Variants in DOCK7 observed in about 807,000 individuals in gnomAD.
DOCK7 encodes dedicator of cytokinesis 7.
Under a neutral mutation model 271.0 loss-of-function variants are expected in DOCK7, and 138 were observed. The ratio of observed to expected loss-of-function variants is 0.51; its 90% CI spans 0.44 to 0.59. DOCK7 has a LOEUF of 0.59. Ranked by LOEUF, DOCK7 falls within the 20% of genes least tolerant of loss-of-function variation. The pLI is 0.00. For missense variants in DOCK7, 2,066 were observed against 2,592.4 expected, an observed-to-expected ratio of 0.80 and a Z score of 4.41; for synonymous variants, 823 against 876.1, an observed-to-expected ratio of 0.94 and a Z score of 1.07.
At chr1:62,621,741 CTAAT>C (rs1187995329) in intron 12 of DOCK7, among the ~76,000 whole-genome samples, 3 of 152,102 alleles carry the variant, frequency 2.0e-5, no homozygotes, top group Admixed American at 6.6e-5. Flanking sequence ...CCCAATATAA[CTAAT>C]TATTGTAAAT....
Position 62,559,141 on chromosome 1 carries a change from C to A in DOCK7, c.2279G>T (p.Arg760Leu), listed in dbSNP as rs775510896. 1.2e-6 allele frequency: 2 copies of A among 1,613,732 alleles called. No homozygotes were observed. The highest frequency in any genetic ancestry group is 1.7e-6 in the Non-Finnish European group (2 of 1,179,872). Residue 760 changes from arginine (R) to leucine (L), a missense_variant, in exon 20 of 50, where the codon CGA becomes CTA. This residue lies in a region of DOCK7 where 1,414 missense variants were observed against 1,670.4 expected (regional missense o/e 0.85). Coordinates refer to ENST00000635253, the MANE Select transcript of DOCK7 (RefSeq NM_001367561.1). ...ATTTTCTAAGTTATTTTCCATGATT[C>A]GCATGTCCCCAATTCGGACTGGGAA... ...HLFPVRIGDM[R>L]IMENNLENEL...
chr1:62,645,419 A>C (rs1656527079), intron 7 of DOCK7, among the ~76,000 whole-genome samples: 4 of 152,176 alleles, frequency 2.6e-5, no homozygotes, highest in Admixed American at 2.0e-4. Flanking sequence ...TTTAAAAAAA[A>C]AAAACAAAAA....
At chr1:62,541,829 T>C (rs868591208) in intron 25 of DOCK7, among the ~76,000 whole-genome samples, 1 of 152,174 alleles carries the variant, frequency 6.6e-6, no homozygotes, top group Admixed American at 6.5e-5. Flanking sequence ...AATTGAAATA[T>C]TAATTCACTC....
chr1:62,478,504 C>T (rs1317817000), intron 43 of DOCK7: 1 of 152,320 alleles, frequency 6.6e-6, no homozygotes, highest in Non-Finnish European at 1.5e-5. Context: ...ACCTCTACCT[C>T]CCAAGTTCAA....
At chr1:62,631,434 G>A (rs375136760) in intron 10 of DOCK7, 29 bp from the exon 11 acceptor site, 1 of 1,525,700 alleles carries the variant, frequency 6.6e-7, no homozygotes. Context: ...TACATTATAT[G>A]ATTATACTTG....
rs376136719 is a variant in DOCK7, at chr1:62,464,264, T to A, written c.6213-6559A>T. 1.1e-4 allele frequency among the ~76,000 whole-genome samples: 16 copies of A among 151,822 alleles called. No homozygotes were observed. In the South Asian group the frequency reaches 1.3e-3, roughly 12 times the overall value. On this transcript the variant is annotated intron_variant, in intron 48 of 49. Transcript: ENST00000635253. ...TTAGTAGAGATGGGGTTTTGCCATG[T>A]TGGCCAGGCTGGTCTCGAACTCCTG...
chr1:62,492,604 TA>T, intron 41 of DOCK7, 99 bp downstream of exon 41: 1 of 1,472,512 alleles, frequency 6.8e-7, no homozygotes, highest in Non-Finnish European at 9.4e-7. Context: ...AAATTATCTT[TA>T]AAGAAAAGTA....
At chr1:62,578,452 G>GCTCAC (rs57457606) in intron 17 of DOCK7, among the ~76,000 whole-genome samples, 1,740 of 152,176 alleles carry the variant, frequency 0.011, 44 homozygotes, top group African/African-American at 0.04. Flanking sequence ...AGGCGCCATG[G>GCTCAC]CTCACGCCTG....
chr1:62,545,083 C>T (rs907480631), intron 22 of DOCK7, 44 bp from the exon 23 acceptor site: 1 of 1,400,966 alleles, frequency 7.1e-7, no homozygotes, highest in African/African-American at 1.4e-5. Flanking sequence ...AGAAATATTA[C>T]ATGTTGCATG....
chr1:62,458,600 T>A (rs1290315172), intron 48 of DOCK7: 1 of 150,452 alleles, frequency 6.6e-6, no homozygotes, highest in Non-Finnish European at 1.5e-5. Flanking sequence ...TGGCGCGATC[T>A]CGGCTCACTG....
Position 62,655,447 on chromosome 1 carries a change from C to T in DOCK7, c.145-1288G>A, listed in dbSNP as rs567775671. Among the ~76,000 whole-genome samples the T allele has an allele frequency of 7.1e-5, 10 of 141,600 alleles. No homozygotes were observed. In the East Asian group the frequency reaches 1.2e-3, roughly 17 times the overall value. 92.9% of individuals were successfully genotyped at this position (141,600 alleles called of 152,430 possible). A position where few individuals can be genotyped will look rare whatever the true frequency, so the allele number is the denominator to read the frequency against. On this transcript the variant is annotated intron_variant, in intron 2 of 49. Coordinates refer to ENST00000635253, the MANE Select transcript of DOCK7 (RefSeq NM_001367561.1). Reference sequence around the variant, plus strand: ...TTTCTTTTTTTTTTTTTTTTTGAGACGGGCTCTTCCTCTGTCATTCAGGCT... The same window carrying T: ...TTTCTTTTTTTTTTTTTTTTTGAGATGGGCTCTTCCTCTGTCATTCAGGCT...
chr1:62,575,725 C>T (rs1472461242), intron 18 of DOCK7, among the ~76,000 whole-genome samples: 2 of 152,094 alleles, frequency 1.3e-5, no homozygotes, highest in African/African-American at 4.8e-5. Flanking sequence ...TGGCTTATTT[C>T]ACATATCAAG....
At chr1:62,457,502 G>T in intron 49 of DOCK7, 36 bp downstream of exon 49, 2 of 1,587,626 alleles carry the variant, frequency 1.3e-6, no homozygotes, top group Non-Finnish European at 1.7e-6. Context: ...GGTTTCAGAG[G>T]AAAGAATATC....
At chr1:62,623,547 C>T (rs890197491) in intron 12 of DOCK7, among the ~76,000 whole-genome samples, 1 of 152,022 alleles carries the variant, frequency 6.6e-6, no homozygotes, top group Non-Finnish European at 1.5e-5. Flanking sequence ...GCTTATAATA[C>T]CAATTTATTG....
At chr1:62,482,594 C>T (rs546467835) in intron 43 of DOCK7, 1 of 152,428 alleles carries the variant, frequency 6.6e-6, no homozygotes, top group Admixed American at 6.5e-5. Flanking sequence ...GGATTACAGA[C>T]ATGAGCCACC....
intron 11 of DOCK7, chr1:62,627,643 T>C (rs889427473): frequency 6.6e-6 from 1 of 152,014 alleles, no homozygotes. Context: ...ATTTAAAATA[T>C]TATCAAGAAA....
chr1:62,514,936 G>A (rs10889337), intron 31 of DOCK7, among the ~76,000 whole-genome samples: 60,079 of 151,792 alleles, frequency 0.4, 12,711 homozygotes, highest in African/African-American at 0.55. Flanking sequence ...TAAAAATGAG[G>A]AAGAAGTAGA....
intron 14 of DOCK7, chr1:62,608,861 T>A (rs948070569): frequency 1.5e-5 from 1 of 67,674 alleles, no homozygotes; most frequent in Non-Finnish European, 3.3e-5. Flanking sequence ...ACTAACTCAT[T>A]CATTAATTTT....
intron 20 of DOCK7, among the ~76,000 whole-genome samples, chr1:62,556,384 G>C (rs1007410768): frequency 7.3e-5 from 11 of 151,676 alleles, no homozygotes; most frequent in African/African-American, 2.7e-4. Context: ...TAGCATATAA[G>C]GGCATATATT....
Sources: gnomAD v4.1 joint callset for allele counts (sites outside exome capture counted in the v4.1 genomes callset) on GRCh38, gnomAD v4.1.1 for gene constraint, gnomAD v4.1.1 regional missense constraint, MANE v1.5 for transcripts, NCBI Gene and HGNC (gene_info 2026-07-23, HGNC 2026-07-21) for gene names.